Variants in PRKG1 observed in about 807,000 individuals in gnomAD.
PRKG1 encodes protein kinase cGMP-dependent 1.
A neutral mutation model predicts 88.1 loss-of-function variants in PRKG1; 35 were observed. The ratio of observed to expected loss-of-function variants is 0.40; its 90% confidence interval spans 0.30 to 0.53. The LOEUF (loss-of-function observed/expected upper bound fraction) is 0.53. Ranked by LOEUF, PRKG1 falls within the 20% of genes least tolerant of loss-of-function variation. The pLI is 0.59. For synonymous variants in PRKG1, 303 were observed against 292.5 expected (o/e 1.04, Z -0.37); for missense variants, 540 against 839.8 (o/e 0.64, Z 4.41).
intron 1 of PRKG1, among the ~76,000 whole-genome samples, chr10:51,020,324 GGGA>G (rs1376846824): frequency 1.3e-5 from 2 of 152,068 alleles, no homozygotes; most frequent in East Asian, 3.9e-4. Flanking sequence ...TTTATTCTCT[GGGA>G]TATATTCCCC....
At chr10:51,960,498 C>T (rs1843420411) in intron 5 of PRKG1, among the ~76,000 whole-genome samples, 2 of 151,844 alleles carry the variant, frequency 1.3e-5, no homozygotes, top group South Asian at 4.2e-4. Flanking sequence ...TTCCTGCCCC[C>T]TCCCCACCAC....
intron 4 of PRKG1, among the ~76,000 whole-genome samples, chr10:51,895,859 T>C (rs1841831742): frequency 6.6e-6 from 1 of 152,070 alleles, no homozygotes; most frequent in African/African-American, 2.4e-5. Flanking sequence ...TGGGTTTCTC[T>C]GCGTGCAATT....
At chr10:52,278,025 C>A (rs1841915269) in intron 12 of PRKG1, among the ~76,000 whole-genome samples, 1 of 152,090 alleles carries the variant, frequency 6.6e-6, no homozygotes, top group African/African-American at 2.4e-5. Context: ...AGTAAACAGG[C>A]AACCTACAGA....
intron 4 of PRKG1, among the ~76,000 whole-genome samples, chr10:51,905,114 G>T (rs1217432024): frequency 1.3e-5 from 2 of 152,108 alleles, no homozygotes; most frequent in African/African-American, 2.4e-5. Context: ...AAAGAACAAG[G>T]CAGGACTAAA....
At chr10:52,204,740 G>A (rs138088747) in intron 9 of PRKG1, among the ~76,000 whole-genome samples, 7 of 152,172 alleles carry the variant, frequency 4.6e-5, no homozygotes, top group African/African-American at 1.2e-4. Context: ...TGCACAAATT[G>A]TGCACGCAAA....
At position 51,617,412 on chromosome 10, in the gene PRKG1, G is replaced by A. The variant is rs575071384; in HGVS notation, c.592+149576G>A. ...TAAGCACTGGTGGTAGCAGCAGGGT[G>A]GGTAGGCTCAATCTCAAGCCCCCAA... On this transcript the variant is annotated intron_variant, in intron 3 of 17. Coordinates refer to ENST00000373980, the MANE Select transcript of PRKG1 (RefSeq NM_006258.4). Among the ~76,000 whole-genome samples the A allele has an allele frequency of 9.4e-4, 143 of 152,144 alleles. 3 individuals are homozygous for A. In the South Asian group the frequency reaches 0.021, roughly 23 times the overall value.
At chr10:51,680,942 A>C (rs1309551043) in intron 3 of PRKG1, among the ~76,000 whole-genome samples, 1 of 152,224 alleles carries the variant, frequency 6.6e-6, no homozygotes, top group Non-Finnish European at 1.5e-5. Flanking sequence ...TTTTCTGAGC[A>C]CTTCTTATTA....
intron 9 of PRKG1, among the ~76,000 whole-genome samples, chr10:52,233,195 AAAGAGAG>A (rs1840569987): frequency 1.3e-5 from 2 of 151,880 alleles, no homozygotes; most frequent in South Asian, 4.1e-4. Flanking sequence ...AAAAAAAAAA[AAAGAGAG>A]AGAGAGAGAG....
intron 3 of PRKG1, among the ~76,000 whole-genome samples, chr10:51,792,664 C>T (rs547132279): frequency 3.0e-4 from 46 of 152,086 alleles, no homozygotes; most frequent in African/African-American, 4.3e-4. Context: ...TATGGGTGTC[C>T]GCCAAAATGG....
rs369926459 is a variant in PRKG1 at position 51,098,492 on chromosome 10, A to G, written c.311+23591A>G. ...CTGCAATGGAGCAAAGTGAATTGGT[A>G]GAGATATTCCTCTTAAGGACAGGTC... is the stretch of plus-strand genomic sequence containing the variant. On this transcript the variant is annotated intron_variant, in intron 1 of 17. Coordinates refer to ENST00000373980, the MANE Select transcript of PRKG1 (RefSeq NM_006258.4). Among the ~76,000 whole-genome samples, 6 of 152,340 alleles carry G rather than the reference A, an allele frequency of 3.9e-5. No individual in the cohort carries two copies. The East Asian group carries it at 1.2e-3, about 29-fold the overall frequency.
chr10:51,276,721 A>T (rs1271443547), intron 2 of PRKG1, among the ~76,000 whole-genome samples: 1 of 152,142 alleles, frequency 6.6e-6, no homozygotes, highest in African/African-American at 2.4e-5. Flanking sequence ...ACCAGTGATG[A>T]TGAGCATTTT....
chr10:51,950,542 C>T (rs1234145633), intron 5 of PRKG1, among the ~76,000 whole-genome samples: 1 of 152,240 alleles, frequency 6.6e-6, no homozygotes, highest in Non-Finnish European at 1.5e-5. Context: ...CGTGAGTGAG[C>T]CAGGGCGGGA....
chr10:51,628,774 A>G (rs1839441413), intron 3 of PRKG1, among the ~76,000 whole-genome samples: 1 of 151,616 alleles, frequency 6.6e-6, no homozygotes, highest in Non-Finnish European at 1.5e-5. Flanking sequence ...CCTGGCTAAC[A>G]GGGTGAAACC....
At chr10:51,412,504 C>A (rs1418816037) in intron 2 of PRKG1, among the ~76,000 whole-genome samples, 1 of 151,996 alleles carries the variant, frequency 6.6e-6, no homozygotes, top group Admixed American at 6.6e-5. Flanking sequence ...ATTAGCCAAG[C>A]GTGGTGGTGC....
intron 5 of PRKG1, among the ~76,000 whole-genome samples, chr10:51,946,587 G>A (rs889381874): frequency 3.3e-5 from 5 of 151,896 alleles, no homozygotes; most frequent in African/African-American, 1.2e-4. Flanking sequence ...CCATCTTTGT[G>A]GTTTTATCTA....
chr10:51,719,166 G>GAGAT (rs1841956750), intron 3 of PRKG1, among the ~76,000 whole-genome samples: 2 of 151,304 alleles, frequency 1.3e-5, no homozygotes, highest in Admixed American at 1.3e-4. Flanking sequence ...AAGAGAGAGA[G>GAGAT]AGAGAGGGAA....
chr10:51,475,171 A>G (rs1454655544), intron 3 of PRKG1, among the ~76,000 whole-genome samples: 2 of 151,884 alleles, frequency 1.3e-5, no homozygotes, highest in Non-Finnish European at 2.9e-5. Flanking sequence ...CCCTACCTCT[A>G]TGTGTGGACT....
chr10:52,241,663 C>T lies in PRKG1; in HGVS notation c.1077-9907C>T, dbSNP rs532380513. On this transcript the variant is annotated intron_variant, in intron 9 of 17. Coordinates refer to ENST00000373980, the MANE Select transcript of PRKG1 (RefSeq NM_006258.4). Reference sequence around the variant, plus strand: ...TATTCAGAAGATCGCTGCTAGTAACCATAGAGAAAAGGTGCAGCCTGGATT... The same window carrying T: ...TATTCAGAAGATCGCTGCTAGTAACTATAGAGAAAAGGTGCAGCCTGGATT... 1.6e-4 allele frequency among the ~76,000 whole-genome samples: 25 copies of T among 152,196 alleles called. 1 individual carries two copies. In the South Asian group the frequency reaches 5.2e-3, roughly 32 times the overall value.
chr10:52,038,438 G>A (rs1845672463), intron 5 of PRKG1, among the ~76,000 whole-genome samples: 1 of 151,808 alleles, frequency 6.6e-6, no homozygotes. Context: ...GGAAATAAGG[G>A]ATTGGGGCAC....
Sources: allele counts gnomAD v4.1 joint callset (sites outside exome capture counted in the v4.1 genomes callset), GRCh38; gene constraint gnomAD v4.1.1; transcripts MANE v1.5; gene names NCBI Gene and HGNC (gene_info 2026-07-23, HGNC 2026-07-21).